COPE: variants seen among roughly 807,000 people sequenced by gnomAD.
The protein encoded by COPE is coat protein complex I subunit epsilon.
COPE carries 19 observed loss-of-function variants against 42.1 expected under a neutral mutation model. The observed-to-expected ratio is 0.45, with a 90% CI of 0.31 to 0.66. The LOEUF (loss-of-function observed/expected upper bound fraction) is 0.66, where lower values mean the gene tolerates loss of function less well. Ranked by LOEUF, COPE falls within the 30% of genes least tolerant of loss-of-function variation. COPE has a pLI of 0.05. For missense variants in COPE, 402 were observed against 416.1 expected (o/e 0.97, Z 0.30); for synonymous variants, 195 against 181.3 (o/e 1.08, Z -0.60).
chr19:18,905,701 C>A, intron 4 of COPE, 72 bp from the exon 5 acceptor site: 1 of 1,456,008 alleles, frequency 6.9e-7, no homozygotes, highest in Non-Finnish European at 9.4e-7. Flanking sequence ...ACACCCAGGG[C>A]TCACTGTGTG....
At chr19:18,913,199 C>T (rs1041721397) in intron 1 of COPE, among the ~76,000 whole-genome samples, 153 bp from the exon 2 acceptor site, 13 of 152,200 alleles carry the variant, frequency 8.5e-5, no homozygotes, top group Middle Eastern at 3.4e-3. Context: ...CTCCGTAGCC[C>T]GAGTGGCCTC....
chr19:18,914,213 A>G (rs2056834737), intron 1 of COPE, among the ~76,000 whole-genome samples: 1 of 152,196 alleles, frequency 6.6e-6, no homozygotes, highest in African/African-American at 2.4e-5. Flanking sequence ...TGGGATGGAC[A>G]GGTGAAATAT....
intron 8 of COPE, 72 bp from the exon 9 acceptor site, chr19:18,900,019 G>T: frequency 2.2e-6 from 3 of 1,339,458 alleles, no homozygotes; most frequent in Non-Finnish European, 3.1e-6. Flanking sequence ...GCTGGACAGG[G>T]GTGGATTGGG....
chr19:18,919,102 G>C lies in COPE; in HGVS notation c.126+121C>G, dbSNP rs372771208. 68 of 997,452 alleles carry C rather than the reference G, an allele frequency of 6.8e-5. No homozygotes were observed. In the African/African-American group the frequency reaches 8.1e-4, roughly 12 times the overall value. 61.8% of individuals were successfully genotyped at this position (997,452 alleles called of 1,614,324 possible). ...CTACTCCTCACTGAACTGTGGAAGA[G>C]GTGGCCCAAAAAACGCGAGAAGAAA... On this transcript the variant is annotated intron_variant, in intron 1 of 9. Transcript: ENST00000262812.
In COPE at chr19:18,900,398, G is replaced by C. The variant is rs533124666; in HGVS notation, c.787C>G (p.Leu263Val). The change falls in exon 8 of 10, where the codon CTG becomes GTG. Residue 263 changes from leucine to valine, a missense_variant. By Grantham distance (32) the Leu-to-Val change is conservative. Coordinates refer to ENST00000262812, the MANE Select transcript of COPE (RefSeq NM_007263.4). ...CCGCTTACCTCAGGGGGCTTGCCCA[G>C]GTGCTGGGACAGGACGATGAGGTTG... ...LVNLIVLSQH[L>V]GKPPEVTNRY... The C allele has an allele frequency of 2.6e-6, 4 of 1,549,162 alleles. No homozygotes were observed. The Admixed American group carries it at 7.9e-5, about 30-fold the overall frequency.
At chr19:18,914,515 T>G (rs2056837686) in intron 1 of COPE, among the ~76,000 whole-genome samples, 1 of 151,940 alleles carries the variant, frequency 6.6e-6, no homozygotes, top group Non-Finnish European at 1.5e-5. Context: ...CACTCCAGCC[T>G]AGGTGACAGA....
At position 18,913,000 on chromosome 19, in the gene COPE, C is replaced by G; in HGVS notation, c.173G>C (p.Arg58Thr). ...CGCACTCACCTGCGCCAGGTACGCTCTATACAGGAAGACGTCCCTCTCCAC... is the reference window on the plus strand; with the variant it reads ...CGCACTCACCTGCGCCAGGTACGCTGTATACAGGAAGACGTCCCTCTCCAC... ...RDVERDVFLY[R>T]AYLAQRKFGV... Residue 58 changes from arginine (R) to threonine (T), a missense_variant, in exon 2 of 10, where the codon AGA (arginine) becomes ACA (threonine). Transcript: ENST00000262812. 6.2e-7 allele frequency: 1 copy of G among 1,612,100 alleles called. No individual in the cohort carries two copies. Among genetic ancestry groups the G allele is most frequent in the East Asian group, 2.2e-5 (1 of 44,864 alleles).
At chr19:18,904,743 C>A in intron 6 of COPE, 28 bp downstream of exon 6, 1 of 1,546,150 alleles carries the variant, frequency 6.5e-7, no homozygotes, top group South Asian at 1.2e-5. Context: ...GCCCGCAATG[C>A]CCACCCACCT....
At chr19:18,908,521 C>CTCTCT (rs368392329) in intron 3 of COPE, among the ~76,000 whole-genome samples, 9 of 146,850 alleles carry the variant, frequency 6.1e-5, no homozygotes, top group Non-Finnish European at 9.0e-5. Flanking sequence ...CCCCATCTCT[C>CTCTCT]TTTTTTTTTT....
Position 18,913,057 on chromosome 19 carries a change from C to G in COPE, c.127-11G>C. The G allele has an allele frequency of 1.2e-6, 2 of 1,608,886 alleles. No homozygotes were observed. The highest frequency in any genetic ancestry group is 1.7e-6 in the Non-Finnish European group (2 of 1,179,340). The stretch of plus-strand genomic sequence containing the variant: ...CTCTGGGCTTGATAGCTGTGGGAAC[C>G]AATGTGAGTCAGGACGCACAGTGGG... On this transcript the variant is annotated splice_polypyrimidine_tract_variant and intron_variant, in intron 1 of 9. Transcript: ENST00000262812.
intron 6 of COPE, among the ~76,000 whole-genome samples, chr19:18,904,069 G>A (rs993557391): frequency 1.3e-5 from 2 of 152,220 alleles, no homozygotes; most frequent in Admixed American, 6.5e-5. Context: ...GGGTTCAAGC[G>A]ATTCTCCTGC....
At chr19:18,909,776 G>C (rs2056793743) in intron 3 of COPE, among the ~76,000 whole-genome samples, 1 of 152,018 alleles carries the variant, frequency 6.6e-6, no homozygotes, top group South Asian at 2.1e-4. Context: ...TCCTCCCAAA[G>C]TGCTGGGATT....
intron 2 of COPE, chr19:18,911,413 GC>G: frequency 3.3e-6 from 1 of 300,070 alleles, no homozygotes; most frequent in Non-Finnish European, 6.6e-6. Context: ...GTTGTGACAT[GC>G]GCTTCTATAA....
At chr19:18,902,916 A>G (rs1207329460) in intron 7 of COPE, among the ~76,000 whole-genome samples, 1 of 151,078 alleles carries the variant, frequency 6.6e-6, no homozygotes, top group East Asian at 2.0e-4. Flanking sequence ...TCCACAGCAC[A>G]CTCTCCCCTA....
chr19:18,914,751 T>C (rs1458394345), intron 1 of COPE, among the ~76,000 whole-genome samples: 1 of 146,900 alleles, frequency 6.8e-6, no homozygotes, highest in African/African-American at 2.5e-5. Flanking sequence ...GCAAAAAGCA[T>C]AGTCTTTTTT....
intron 6 of COPE, 134 bp from the exon 7 acceptor site, chr19:18,903,557 A>C: frequency 9.5e-7 from 1 of 1,049,704 alleles, no homozygotes. Context: ...AGGCACAGCC[A>C]CTCCGCCATG....
intron 5 of COPE, 105 bp downstream of exon 5, chr19:18,905,468 GACA>G (rs572863929): frequency 1.4e-5 from 16 of 1,154,604 alleles, no homozygotes; most frequent in East Asian, 1.3e-4. Context: ...GGAAAGGAAA[GACA>G]ACAAGAGTAA....
intron 1 of COPE, among the ~76,000 whole-genome samples, chr19:18,915,291 C>G (rs1288035123): frequency 6.6e-6 from 1 of 152,186 alleles, no homozygotes; most frequent in Non-Finnish European, 1.5e-5. Flanking sequence ...ATCGGGGGCA[C>G]CAGGGTGGCC....
chr19:18,904,759 C>T lies in COPE; in HGVS notation c.579+12G>A, dbSNP rs1230146718. On this transcript the variant is annotated intron_variant, in intron 6 of 9. Coordinates refer to ENST00000262812, the MANE Select transcript of COPE (RefSeq NM_007263.4). ...CCCGCAATGCCCACCCACCTCATGG[C>T]CTAGGGCTCACCGTGGCCAGGCTGA... 3 of 1,551,212 alleles carry T rather than the reference C, an allele frequency of 1.9e-6. No individual in the cohort carries two copies.
Sources: gnomAD v4.1 joint callset for allele counts (sites outside exome capture counted in the v4.1 genomes callset) on GRCh38, gnomAD v4.1.1 for gene constraint, MANE v1.5 for transcripts, NCBI Gene and HGNC (gene_info 2026-07-23, HGNC 2026-07-21) for gene names.